Variants in ZNF385D observed in about 807,000 individuals in gnomAD.
ZNF385D encodes zinc finger protein 659.
Under a neutral mutation model 35.8 loss-of-function variants are expected in ZNF385D, and 15 were observed. The observed-to-expected ratio is 0.42, with a 90% confidence interval of 0.28 to 0.64. The LOEUF (loss-of-function observed/expected upper bound fraction) is 0.64, where lower values mean the gene tolerates loss of function less well. ZNF385D is among the 30% of genes least tolerant of loss of function. ZNF385D has a pLI of 0.23. For missense variants in ZNF385D, 474 were observed against 494.6 expected, an observed-to-expected ratio of 0.96 and a Z score of 0.39; for synonymous variants, 212 against 186.8, an observed-to-expected ratio of 1.13 and a Z score of -1.10.
At chr3:21,902,348 T>C (rs1211161327) in intron 3 of ZNF385D, among the ~76,000 whole-genome samples, 3 of 152,126 alleles carry the variant, frequency 2.0e-5, no homozygotes, top group Non-Finnish European at 4.4e-5. Flanking sequence ...GGAAATGTCA[T>C]AGGGCTTCAT....
chr3:21,616,447 A>G (rs779826273), intron 2 of ZNF385D, among the ~76,000 whole-genome samples: 2 of 152,174 alleles, frequency 1.3e-5, no homozygotes, highest in African/African-American at 2.4e-5. Flanking sequence ...GAGAAAATCA[A>G]TTTCCTTGCG....
At chr3:21,678,866 C>T (rs901353434) in intron 1 of ZNF385D, among the ~76,000 whole-genome samples, 1 of 152,016 alleles carries the variant, frequency 6.6e-6, no homozygotes, top group African/African-American at 2.4e-5. Context: ...TCATTATGAC[C>T]TTTGCTTGCC....
At chr3:22,338,179 G>T (rs770420876) in intron 2 of ZNF385D, among the ~76,000 whole-genome samples, 20 of 152,148 alleles carry the variant, frequency 1.3e-4, no homozygotes, top group Non-Finnish European at 2.6e-4. Context: ...ACCTGCAATA[G>T]ATCTCTTTTA....
At chr3:22,309,477 C>T (rs181324394) in intron 2 of ZNF385D, among the ~76,000 whole-genome samples, 160 of 152,012 alleles carry the variant, frequency 1.1e-3, no homozygotes, top group Non-Finnish European at 1.5e-3. Context: ...ATTTTTGTCT[C>T]GACTATATAG....
intron 2 of ZNF385D, among the ~76,000 whole-genome samples, chr3:22,208,671 C>T (rs1025956977): frequency 1.3e-5 from 2 of 151,170 alleles, no homozygotes; most frequent in Admixed American, 6.6e-5. Context: ...ATCTTATGTA[C>T]CCCATAAATA....
At chr3:22,201,731 G>A (rs963720085) in intron 2 of ZNF385D, among the ~76,000 whole-genome samples, 27 of 151,884 alleles carry the variant, frequency 1.8e-4, no homozygotes, top group African/African-American at 6.5e-4. Context: ...TTATTAAAAT[G>A]CATACATGCA....
intron 3 of ZNF385D, among the ~76,000 whole-genome samples, chr3:22,162,253 T>C (rs906205758): frequency 3.9e-5 from 6 of 152,184 alleles, no homozygotes; most frequent in Admixed American, 6.5e-5. Context: ...AAAATATATT[T>C]CTTTGGCATA....
chr3:22,166,129 A>G (rs1408294918), intron 3 of ZNF385D, among the ~76,000 whole-genome samples: 1 of 152,130 alleles, frequency 6.6e-6, no homozygotes, highest in African/African-American at 2.4e-5. Flanking sequence ...CCAAACCAAT[A>G]TGACCTAAGA....
At chr3:21,751,261 AGCAGCCGCTCCACGAGGT>A (rs2070069085), upstream of ZNF385D, 1 of 504,180 alleles carries the variant, frequency 2.0e-6, no homozygotes, top group Non-Finnish European at 2.8e-6. Flanking sequence ...ACCCTGGGTT[AGCAGCCGCTCCACGAGGT>A]GCTCCGACTG....
intron 3 of ZNF385D, among the ~76,000 whole-genome samples, chr3:21,859,727 A>C (rs1212114496): frequency 6.6e-6 from 1 of 151,850 alleles, no homozygotes; most frequent in Non-Finnish European, 1.5e-5. Context: ...TGGAATTGAA[A>C]GATAAGAAAA....
At chr3:21,600,640 A>G (rs2064257346) in intron 2 of ZNF385D, among the ~76,000 whole-genome samples, 1 of 152,212 alleles carries the variant, frequency 6.6e-6, no homozygotes, top group African/African-American at 2.4e-5. Context: ...AGATATTTGA[A>G]GGAAGCTTTC....
intron 3 of ZNF385D, among the ~76,000 whole-genome samples, chr3:21,968,045 C>G (rs1703008184): frequency 1.3e-5 from 2 of 152,158 alleles, no homozygotes; most frequent in African/African-American, 4.8e-5. Flanking sequence ...TACACCACCC[C>G]TCCCTTACAC....
At chr3:21,437,241 AATGGTATT>A in intron 4 of ZNF385D, 38 bp from the exon 5 acceptor site, 1 of 1,562,796 alleles carries the variant, frequency 6.4e-7, no homozygotes, top group South Asian at 1.2e-5. Context: ...GGGGAAAAAC[AATGGTATT>A]ATCTTTCCCT....
intron 3 of ZNF385D, among the ~76,000 whole-genome samples, chr3:22,057,638 T>C (rs749353117): frequency 6.6e-5 from 10 of 152,000 alleles, no homozygotes; most frequent in Admixed American, 2.6e-4. Flanking sequence ...ACCTCCCGAG[T>C]AGCTGGAACG....
At chr3:21,629,129 A>C (rs2065213276) in intron 2 of ZNF385D, among the ~76,000 whole-genome samples, 1 of 152,128 alleles carries the variant, frequency 6.6e-6, no homozygotes, top group African/African-American at 2.4e-5. Context: ...ATCTGTTCCC[A>C]GTCAACTCTG....
intron 2 of ZNF385D, among the ~76,000 whole-genome samples, chr3:22,243,107 A>G (rs955424470): frequency 1.3e-5 from 2 of 151,046 alleles, no homozygotes; most frequent in Non-Finnish European, 2.9e-5. Flanking sequence ...GAATGGGAGA[A>G]AATATTTGCA....
At chr3:21,896,028 C>A (rs951592244) in intron 3 of ZNF385D, among the ~76,000 whole-genome samples, 1 of 152,104 alleles carries the variant, frequency 6.6e-6, no homozygotes, top group African/African-American at 2.4e-5. Context: ...ACTTGGGCCA[C>A]ATTAAAGTAA....
rs1321423649 is a variant in ZNF385D at position 22,279,831 on chromosome 3, A to T, written c.106+92619T>A. 2.0e-5 allele frequency among the ~76,000 whole-genome samples: 3 copies of T among 151,752 alleles called. No individual in the cohort carries two copies. In the South Asian group the frequency reaches 6.2e-4, roughly 32 times the overall value. On this transcript the variant is annotated intron_variant, in intron 2 of 5. Coordinates refer to the ZNF385D transcript ENST00000494108. ...GTGGGATTGCTGGATCAAATGGCAG[A>T]TCTACTTTTAGCTCTTTAAGGAATC... is the stretch of plus-strand genomic sequence containing the variant.
rs374166678 is a variant in ZNF385D at position 22,240,201 on chromosome 3, A to AAAAAAAAAAAAAAG, written c.107-71167_107-71166insCTTTTTTTTTTTTT. 5.8e-5 allele frequency among the ~76,000 whole-genome samples: 7 copies of AAAAAAAAAAAAAAG among 121,044 alleles called. 2 individuals are homozygous for AAAAAAAAAAAAAAG. Among genetic ancestry groups the AAAAAAAAAAAAAAG allele is most frequent in the Admixed American group, 1.9e-4 (2 of 10,464 alleles). The allele number at this position is 121,044 out of a possible 152,430, so 79.4% of individuals were successfully genotyped here. On this transcript the variant is annotated intron_variant, in intron 2 of 5. Transcript: ENST00000494108. ...CTGTCTCCAAAAAAAAAAAAAAAAA[A>AAAAAAAAAAAAAAG]AAGATTTCAGACACCTGGCTCCACC...
Sources: gnomAD v4.1 joint callset for allele counts (sites outside exome capture counted in the v4.1 genomes callset) on GRCh38, gnomAD v4.1.1 for gene constraint, MANE v1.5 for transcripts, NCBI Gene and HGNC (gene_info 2026-07-23, HGNC 2026-07-21) for gene names.